Variants in LDHAL6A observed in about 807,000 individuals in gnomAD.
LDHAL6A encodes the protein L-lactate dehydrogenase A-like 6A.
Under a neutral mutation model 28.2 loss-of-function variants are expected in LDHAL6A, and 19 were observed. The observed-to-expected ratio is 0.67, with a 90% CI of 0.47 to 0.99. The LOEUF (loss-of-function observed/expected upper bound fraction) is 0.99, where lower values mean the gene tolerates loss of function less well. Among genes scored for constraint, LDHAL6A ranks in the 50% least tolerant of loss-of-function variants. The probability of loss-of-function intolerance (pLI) is 0.00; values close to 1 mark genes in which losing one functional copy is unlikely to be tolerated. For synonymous variants in LDHAL6A, 144 were observed against 134.4 expected (o/e 1.07, Z -0.49); for missense variants, 372 against 398.6 (o/e 0.93, Z 0.57).
At position 18,476,395 on chromosome 11, in the gene LDHAL6A, A is replaced by G; in HGVS notation, c.604A>G (p.Ser202Gly). 1.9e-6 allele frequency: 3 copies of G among 1,613,370 alleles called. No homozygotes were observed. Among genetic ancestry groups the G allele is most frequent in the African/African-American group, 1.3e-5 (1 of 75,008 alleles). The change falls in exon 5 of 7, where the codon AGT becomes GGT. Residue 202 changes from serine (S) to glycine (G), a missense_variant. Ser to Gly is a moderately conservative substitution (Grantham distance 56). Around this residue, in one of 3 missense-constraint regions of LDHAL6A, gnomAD observed 291 missense variants for 302.9 expected, o/e 0.96. Coordinates refer to ENST00000280706, the MANE Select transcript of LDHAL6A (RefSeq NM_144972.5). ...EHGDSSVPVW[S>G]GVNIAGVPLK... ...TGTCTCTTTCTTAGTTCCTGTGTGGAGTGGTGTGAACATTGCTGGCGTCCC... is the reference window on the plus strand; with the variant it reads ...TGTCTCTTTCTTAGTTCCTGTGTGGGGTGGTGTGAACATTGCTGGCGTCCC...
At chr11:18,469,459 G>A (rs1211196279) in intron 3 of LDHAL6A, among the ~76,000 whole-genome samples, 1 of 152,118 alleles carries the variant, frequency 6.6e-6, no homozygotes, top group African/African-American at 2.4e-5. Context: ...TATGGCAGAA[G>A]TCTATTAAAG....
intron 1 of LDHAL6A, 49 bp downstream of exon 1, chr11:18,456,855 G>T (rs1166998418): frequency 1.1e-5 from 17 of 1,580,302 alleles, no homozygotes; most frequent in Non-Finnish European, 1.5e-5. Context: ...TGGAGGCGAG[G>T]CCACAGCGTA....
chr11:18,475,742 C>T (rs560877874), intron 4 of LDHAL6A, 103 bp downstream of exon 4: 12 of 900,124 alleles, frequency 1.3e-5, no homozygotes, highest in Non-Finnish European at 9.6e-6. Context: ...AGACTTTATT[C>T]CACTTTAGGC....
At chr11:18,459,007 TTTTAGA>T (rs1474218786) in intron 1 of LDHAL6A, among the ~76,000 whole-genome samples, 3 of 152,132 alleles carry the variant, frequency 2.0e-5, no homozygotes, top group Middle Eastern at 3.2e-3. Flanking sequence ...TTTAGAATAG[TTTTAGA>T]TTTACAGAAA....
intron 6 of LDHAL6A, 75 bp downstream of exon 6, chr11:18,477,818 G>A: frequency 3.5e-6 from 5 of 1,414,352 alleles, no homozygotes; most frequent in Non-Finnish European, 4.8e-6. Context: ...GAGGCACTCT[G>A]GTTTTGGGTT....
At chr11:18,468,009 A>G (rs1849151690) in intron 3 of LDHAL6A, among the ~76,000 whole-genome samples, 1 of 72,690 alleles carries the variant, frequency 1.4e-5, no homozygotes, top group African/African-American at 5.5e-5. Context: ...ATACGTATAT[A>G]TATACATATA....
Position 18,467,904 on chromosome 11 carries a change from T to TACACACAC in LDHAL6A, c.418+2095_418+2096insCACACACA, listed in dbSNP as rs1470548025. ...ACATATATATATATATATATATATA[T>TACACACAC]ATATATATATATATACACACACATA... is the stretch of plus-strand genomic sequence containing the variant. On this transcript the variant is annotated intron_variant, in intron 3 of 6. Coordinates refer to ENST00000280706, the MANE Select transcript of LDHAL6A (RefSeq NM_144972.5). Among the ~76,000 whole-genome samples, 2 of 72,974 alleles carry TACACACAC rather than the reference T, an allele frequency of 2.7e-5. 1 individual carries two copies. The highest frequency in any genetic ancestry group is 4.7e-5 in the Non-Finnish European group (2 of 42,524). 47.9% of individuals were successfully genotyped at this position (72,974 alleles called of 152,430 possible).
In LDHAL6A at chr11:18,476,373, C is replaced by T; in HGVS notation, c.593-11C>T. ...ATGTAAGAAGTGGGATTTTGGGTGT[C>T]TCTTTCTTAGTTCCTGTGTGGAGTG... On this transcript the variant is annotated splice_polypyrimidine_tract_variant and intron_variant, in intron 4 of 6. Coordinates refer to ENST00000280706, the MANE Select transcript of LDHAL6A (RefSeq NM_144972.5). 1 of 1,608,944 alleles carries T rather than the reference C, an allele frequency of 6.2e-7. No homozygotes were observed. The highest frequency in any genetic ancestry group is 8.5e-7 in the Non-Finnish European group (1 of 1,178,236).
chr11:18,460,751 C>T (rs941963658), intron 1 of LDHAL6A, among the ~76,000 whole-genome samples: 1 of 152,012 alleles, frequency 6.6e-6, no homozygotes, highest in Non-Finnish European at 1.5e-5. Flanking sequence ...CAAAGTGAGA[C>T]CCTGTCTCAA....
At chr11:18,467,928 T>G (rs867049235) in intron 3 of LDHAL6A, among the ~76,000 whole-genome samples, 1 of 69,142 alleles carries the variant, frequency 1.4e-5, no homozygotes, top group Admixed American at 1.8e-4. Context: ...TACACACACA[T>G]ATATATATAC....
chr11:18,462,437 A>G (rs1034090321), intron 1 of LDHAL6A, among the ~76,000 whole-genome samples: 1 of 151,808 alleles, frequency 6.6e-6, no homozygotes, highest in Non-Finnish European at 1.5e-5. Flanking sequence ...GGAGATCAAG[A>G]CCATCCTGGC....
chr11:18,464,977 G>GTTTGT (rs1849013732), intron 2 of LDHAL6A, among the ~76,000 whole-genome samples: 4 of 125,484 alleles, frequency 3.2e-5, no homozygotes, highest in African/African-American at 1.3e-4. Flanking sequence ...TGTTTTTTTT[G>GTTTGT]TTTTTTTTTG....
rs752002669 is a variant in LDHAL6A, at chr11:18,465,771, T to G, written c.379T>G (p.Tyr127Asp). Residue 127 changes from tyrosine to aspartate, a missense_variant, in exon 3 of 7, where the codon TAC becomes GAC. By Grantham distance (160) the Tyr-to-Asp change is radical. Around this residue, in one of 3 missense-constraint regions of LDHAL6A, gnomAD observed 291 missense variants for 302.9 expected, o/e 0.96. Coordinates refer to ENST00000280706, the MANE Select transcript of LDHAL6A (RefSeq NM_144972.5). ...ATTAATGATTCCCAATATTACCCAGTACAGTCCTCACTGCAAACTGCTTAT... is the reference window on the plus strand; with the variant it reads ...ATTAATGATTCCCAATATTACCCAGGACAGTCCTCACTGCAAACTGCTTAT... ...FKLMIPNITQ[Y>D]SPHCKLLIVT... 2 of 1,613,644 alleles carry G rather than the reference T, an allele frequency of 1.2e-6. No homozygotes were observed. Among genetic ancestry groups the G allele is most frequent in the South Asian group, 2.2e-5 (2 of 90,980 alleles).
At position 18,477,623 on chromosome 11, in the gene LDHAL6A, C is replaced by T. The variant is rs1448120955; in HGVS notation, c.714C>T (p.Gly238=). 1.2e-6 allele frequency: 2 copies of T among 1,607,030 alleles called. No homozygotes were observed. Among genetic ancestry groups the T allele is most frequent in the Non-Finnish European group, 1.7e-6 (2 of 1,178,192 alleles). ...TTATGGTTTCTTCTATCTACAGTGG[C>T]TATGAGATGGTCAAAATGAAAGGTT... is the stretch of plus-strand genomic sequence containing the variant. The part of the protein sequence containing the change: ...ENVHKKVISS[G]YEMVKMKGYT... Residue 238 remains glycine, a synonymous_variant, in exon 6 of 7, where the codon GGC becomes GGT. Transcript: ENST00000280706.
intron 3 of LDHAL6A, among the ~76,000 whole-genome samples, chr11:18,468,003 GTA>G (rs1158619010): frequency 8.1e-5 from 5 of 61,612 alleles, no homozygotes; most frequent in African/African-American, 3.4e-4. Context: ...ATATATATAC[GTA>G]TATATATACA....
chr11:18,462,694 A>G (rs1385770916), intron 1 of LDHAL6A, among the ~76,000 whole-genome samples: 1 of 146,918 alleles, frequency 6.8e-6, no homozygotes, highest in Non-Finnish European at 1.5e-5. Context: ...TTAGCTGGGC[A>G]TGGTGGTGCA....
Position 18,456,127 on chromosome 11 carries a change from A to AGCAGCC in LDHAL6A, c.-552_-551insAGCCGC, listed in dbSNP as rs1273876759. ...CAAGAGTCCTGGGGAGCAGCCAGAG[A>AGCAGCC]GCGGGCGCCGCGGGAGCGAATTGTT... On this transcript the variant is annotated 5_prime_UTR_variant, in exon 1 of 7. Coordinates refer to ENST00000280706, the MANE Select transcript of LDHAL6A (RefSeq NM_144972.5). 6.5e-6 allele frequency: 1 copy of AGCAGCC among 154,852 alleles called. No homozygotes were observed. The highest frequency in any genetic ancestry group is 2.4e-5 in the African/African-American group (1 of 41,466). 9.6% of individuals were successfully genotyped at this position (154,852 alleles called of 1,614,324 possible).
chr11:18,463,915 A>T, intron 1 of LDHAL6A, 46 bp from the exon 2 acceptor site: 5 of 1,196,128 alleles, frequency 4.2e-6, no homozygotes, highest in South Asian at 1.2e-5. Flanking sequence ...TTCTCCAGTT[A>T]ATCAAGAGAT....
rs1172402668 is a variant in LDHAL6A at position 18,464,986 on chromosome 11, TGTTTTGTTTTG to T, written c.245-650_245-640del. On this transcript the variant is annotated intron_variant, in intron 2 of 6. Coordinates refer to ENST00000280706, the MANE Select transcript of LDHAL6A (RefSeq NM_144972.5). ...GTGAGGTGTTTTTTTTGTTTTTTTT[TGTTTTGTTTTG>T]TTTTGGTTTGTTTTTGAGACAGTGT... Among the ~76,000 whole-genome samples, 25 of 120,824 alleles carry T rather than the reference TGTTTTGTTTTG, an allele frequency of 2.1e-4. 1 individual carries two copies. The highest frequency in any genetic ancestry group is 7.5e-4 in the African/African-American group (21 of 27,840). 79.3% of individuals were successfully genotyped at this position (120,824 alleles called of 152,430 possible). A position where few individuals can be genotyped will look rare whatever the true frequency, so the allele number is the denominator to read the frequency against.
Sources: allele counts gnomAD v4.1 joint callset (sites outside exome capture counted in the v4.1 genomes callset), GRCh38; gene constraint gnomAD v4.1.1; regional missense constraint gnomAD v4.1.1; transcripts MANE v1.5; gene names NCBI Gene and HGNC (gene_info 2026-07-23, HGNC 2026-07-21).